The following BCR variants were observed in gnomAD, a reference collection of about 807,000 sequenced individuals.
BCR encodes BCR activator of RhoGEF and GTPase.
A neutral mutation model predicts 138.6 loss-of-function variants in BCR; 58 were observed. That is an observed-to-expected ratio of 0.42 (90% CI 0.34 to 0.52). The LOEUF is 0.52. Among genes scored for constraint, BCR ranks in the 20% least tolerant of loss-of-function variants. The probability of loss-of-function intolerance (pLI) is 0.06; values close to 1 mark genes in which losing one functional copy is unlikely to be tolerated. For missense variants in BCR, 1,599 were observed against 1,727.2 expected (o/e 0.93, Z 1.32); for synonymous variants, 786 against 730.1 (o/e 1.08, Z -1.23).
At chr22:23,303,132 T>C (rs2073921136) in intron 16 of BCR, among the ~76,000 whole-genome samples, 1 of 152,060 alleles carries the variant, frequency 6.6e-6, no homozygotes, top group African/African-American at 2.4e-5. Context: ...TATTTTACTA[T>C]ATATATATAA....
At chr22:23,311,647 T>A (rs749654354) in intron 18 of BCR, 50 bp from the exon 19 acceptor site, 3 of 1,488,298 alleles carry the variant, frequency 2.0e-6, no homozygotes. Context: ...TCCTGTGTTA[T>A]GGCCCAAGCA....
intron 4 of BCR, chr22:23,263,625 G>A: frequency 6.7e-7 from 1 of 1,503,462 alleles, no homozygotes; most frequent in Non-Finnish European, 9.3e-7. Flanking sequence ...GCCACTTTGT[G>A]CTGGCCACCT....
chr22:23,313,940 C>T (rs1243504323), intron 20 of BCR, 28 bp from the exon 21 acceptor site: 4 of 1,596,168 alleles, frequency 2.5e-6, no homozygotes, highest in Non-Finnish European at 3.4e-6. Context: ...CGTTGTGACC[C>T]CAAGGAGTAA....
intron 1 of BCR, among the ~76,000 whole-genome samples, chr22:23,221,718 C>G (rs2072826726): frequency 1.3e-5 from 2 of 152,202 alleles, no homozygotes; most frequent in South Asian, 4.1e-4. Context: ...GTTTTCCCGC[C>G]AGGCTCACTA....
In BCR at chr22:23,239,270, G is replaced by A. The variant is rs192331657; in HGVS notation, c.1280-14529G>A. 4.8e-3 allele frequency among the ~76,000 whole-genome samples: 738 copies of A among 152,292 alleles called. 4 individuals carry two copies. The highest frequency in any genetic ancestry group is 6.9e-3 in the Non-Finnish European group (467 of 68,014). ...CAGTGTTGTGCAGGACATTCAGAAC[G>A]TGACTGGGTTTCTATTCTGATTTGT... On this transcript the variant is annotated intron_variant, in intron 1 of 22. Transcript: ENST00000305877.
At chr22:23,198,152 C>T (rs929883791) in intron 1 of BCR, 3 of 328,376 alleles carry the variant, frequency 9.1e-6, no homozygotes, top group African/African-American at 4.5e-5. Flanking sequence ...AGAAGCCAGG[C>T]TCCAAGTGAG....
At chr22:23,269,386 G>A (rs1024544577) in intron 5 of BCR, among the ~76,000 whole-genome samples, 2 of 152,232 alleles carry the variant, frequency 1.3e-5, no homozygotes, top group African/African-American at 4.8e-5. Context: ...GTTCTGAGCA[G>A]AAAGCCCTCC....
chr22:23,240,576 A>G (rs1195494233), intron 1 of BCR, among the ~76,000 whole-genome samples: 1 of 152,032 alleles, frequency 6.6e-6, no homozygotes, highest in East Asian at 1.9e-4. Flanking sequence ...GCGTGAACCC[A>G]GGAGGCGGAG....
At chr22:23,274,930 AAG>A (rs1390436036) in intron 8 of BCR, among the ~76,000 whole-genome samples, 7 of 148,952 alleles carry the variant, frequency 4.7e-5, no homozygotes, top group South Asian at 2.1e-4. Context: ...AAAAAAAAAA[AAG>A]AGAACCACCT....
chr22:23,227,912 C>T (rs1262932666), intron 1 of BCR, among the ~76,000 whole-genome samples: 2 of 152,158 alleles, frequency 1.3e-5, no homozygotes, highest in African/African-American at 4.8e-5. Context: ...TTAGTTAGCA[C>T]CATGAATGGT....
In BCR at chr22:23,295,064, T is replaced by A; in HGVS notation, c.2921T>A (p.Ile974Lys). 6.2e-7 allele frequency: 1 copy of A among 1,614,132 alleles called. No individual in the cohort carries two copies. Among genetic ancestry groups the A allele is most frequent in the South Asian group, 1.1e-5 (1 of 91,086 alleles). The change falls in exon 16 of 23, where the codon ATA (isoleucine) becomes AAA (lysine). Residue 974 changes from isoleucine (I) to lysine (K), a missense_variant. Physicochemically the swap from Ile to Lys is moderately radical, Grantham distance 102. Around this residue, in one of 4 missense-constraint regions of BCR, gnomAD observed 590 missense variants for 762.4 expected, o/e 0.77. Transcript: ENST00000305877. ...IELEGSQTLR[I>K]LCYEKCYNKT... The stretch of plus-strand genomic sequence containing the variant: ...CTGGAGGGCTCCCAGACCCTGAGGA[T>A]ACTGTGCTATGAAAAGTGTTACAAC...
chr22:23,235,503 G>A (rs1377217528), intron 1 of BCR, among the ~76,000 whole-genome samples: 2 of 144,432 alleles, frequency 1.4e-5, no homozygotes, highest in African/African-American at 4.9e-5. Context: ...ATTCCCACTG[G>A]GTGGCGAGGA....
At chr22:23,185,624 G>C (rs1162667784) in intron 1 of BCR, among the ~76,000 whole-genome samples, 1 of 151,448 alleles carries the variant, frequency 6.6e-6, no homozygotes, top group Non-Finnish European at 1.5e-5. Flanking sequence ...CGAGATCGCT[G>C]GGCTGCACTC....
In BCR at chr22:23,206,500, C is replaced by A. The variant is rs2072615435; in HGVS notation, c.1279+24261C>A. Among the ~76,000 whole-genome samples, 3 of 151,682 alleles carry A rather than the reference C, an allele frequency of 2.0e-5. No homozygotes were observed. In the South Asian group the frequency reaches 6.2e-4, roughly 31 times the overall value. On this transcript the variant is annotated intron_variant, in intron 1 of 22. Coordinates refer to ENST00000305877, the MANE Select transcript of BCR (RefSeq NM_004327.4). ...GCTGAGGCAGGAGAATGGCATGAACCCAGGAGGCGGAGCTTGCAGTGAGCC... is the reference window on the plus strand; with the variant it reads ...GCTGAGGCAGGAGAATGGCATGAACACAGGAGGCGGAGCTTGCAGTGAGCC...
intron 1 of BCR, among the ~76,000 whole-genome samples, chr22:23,213,948 G>A (rs2072718521): frequency 6.6e-6 from 1 of 152,134 alleles, no homozygotes; most frequent in Non-Finnish European, 1.5e-5. Flanking sequence ...TGGGGAAAAT[G>A]CATGCCTGAT....
rs1194049111 is a variant in BCR at position 23,181,588 on chromosome 22, A to G, written c.628A>G (p.Met210Val). The G allele has an allele frequency of 6.2e-7, 1 of 1,612,680 alleles. No homozygotes were observed. Among genetic ancestry groups the G allele is most frequent in the Non-Finnish European group, 8.5e-7 (1 of 1,179,994 alleles). Reference sequence around the variant, plus strand: ...CTCCCTGGGCAGCCAGGCCATGCAGATGGAGCGCAAAAAGTCCCAGCACGG... The same window carrying G: ...CTCCCTGGGCAGCCAGGCCATGCAGGTGGAGCGCAAAAAGTCCCAGCACGG... ...ISSLGSQAMQ[M>V]ERKKSQHGAG... is the part of the protein sequence containing the mutation. Residue 210 changes from methionine to valine, a missense_variant, in exon 1 of 23, where the codon ATG (methionine) becomes GTG (valine). By Grantham distance (21) the Met-to-Val change is conservative (BLOSUM62 1). Coordinates refer to ENST00000305877, the MANE Select transcript of BCR (RefSeq NM_004327.4).
rs2073682774 is a variant in BCR, at chr22:23,284,193, A to C, written c.2237+95A>C. 3 of 1,511,150 alleles carry C rather than the reference A, an allele frequency of 2.0e-6. No individual in the cohort carries two copies. The African/African-American group carries it at 4.2e-5, about 21-fold the overall frequency. The allele number at this position is 1,511,150 out of a possible 1,614,324, so 93.6% of individuals were successfully genotyped here. A position where few individuals can be genotyped will look rare whatever the true frequency, so the allele number is the denominator to read the frequency against. On this transcript the variant is annotated intron_variant, in intron 9 of 22. Coordinates refer to ENST00000305877, the MANE Select transcript of BCR (RefSeq NM_004327.4). ...TCATGGCGGAGGTCAGTGGTGATGT[A>C]GCTCGTTACATTCCGTTTCTACTTG...
intron 9 of BCR, among the ~76,000 whole-genome samples, chr22:23,284,764 C>T (rs987312538): frequency 6.6e-6 from 1 of 152,196 alleles, no homozygotes; most frequent in Non-Finnish European, 1.5e-5. Context: ...CCACATGAGC[C>T]TTCAACCTTA....
intron 10 of BCR, among the ~76,000 whole-genome samples, chr22:23,286,320 G>C (rs2073712583): frequency 6.6e-6 from 1 of 152,230 alleles, no homozygotes. Context: ...ATCAAGGTTA[G>C]GCCTGGGTCC....
Sources: allele counts gnomAD v4.1 joint callset (sites outside exome capture counted in the v4.1 genomes callset), GRCh38; gene constraint gnomAD v4.1.1; regional missense constraint gnomAD v4.1.1; transcripts MANE v1.5; gene names NCBI Gene and HGNC (gene_info 2026-07-23, HGNC 2026-07-21).